The following ABCB5 variants were observed in gnomAD, a reference collection of about 807,000 sequenced individuals.
ABCB5 encodes the protein ATP-binding cassette sub-family B member 5.
Under a neutral mutation model 144.2 loss-of-function variants are expected in ABCB5, and 155 were observed. The observed-to-expected ratio is 1.08, with a 90% CI of 0.94 to 1.23. The LOEUF is 1.23. Among genes scored for constraint, ABCB5 ranks in the 50% most tolerant of loss-of-function variants. The pLI is 0.00. For synonymous variants in ABCB5, 610 were observed against 528.6 expected, an observed-to-expected ratio of 1.15 and a Z score of -2.11; for missense variants, 1,830 against 1,520.8, an observed-to-expected ratio of 1.20 and a Z score of -3.38.
At chr7:20,672,126 T>C (rs960516397) in intron 14 of ABCB5, among the ~76,000 whole-genome samples, 1 of 152,182 alleles carries the variant, frequency 6.6e-6, no homozygotes, top group Non-Finnish European at 1.5e-5. Context: ...AAGTGTCTGT[T>C]CAAATCTTTA....
chr7:20,686,414 C>A (rs1331019482), intron 16 of ABCB5, among the ~76,000 whole-genome samples: 1 of 152,154 alleles, frequency 6.6e-6, no homozygotes, highest in African/African-American at 2.4e-5. Flanking sequence ...CAGCAGTTCC[C>A]ATCTGCACCT....
intron 16 of ABCB5, among the ~76,000 whole-genome samples, chr7:20,686,093 CT>C (rs894613642): frequency 3.3e-5 from 5 of 152,020 alleles, no homozygotes; most frequent in African/African-American, 9.7e-5. Flanking sequence ...GATGTTTTTC[CT>C]ATGAAGCAAA....
At chr7:20,643,086 A>G in intron 5 of ABCB5, 98 bp from the exon 6 acceptor site, 4 of 1,023,584 alleles carry the variant, frequency 3.9e-6, no homozygotes, top group African/African-American at 1.6e-5. Context: ...TAGTTCTAGC[A>G]TAAATTTCCT....
At chr7:20,702,091 G>A (rs555183657) in intron 19 of ABCB5, among the ~76,000 whole-genome samples, 1 of 152,288 alleles carries the variant, frequency 6.6e-6, no homozygotes, top group South Asian at 2.1e-4. Flanking sequence ...AGAAACAGGT[G>A]TGTGTAGGTA....
rs538961390 is a variant in ABCB5 at position 20,701,409 on chromosome 7, T to C, written c.2337+1274T>C. On this transcript the variant is annotated intron_variant, in intron 19 of 27. Coordinates refer to ENST00000404938, the MANE Select transcript of ABCB5 (RefSeq NM_001163941.2). ...ATTTATTTTAAATTTCTAGAAACTT[T>C]TGAAAAGGTTTCCTGAATGCCTAGA... Among the ~76,000 whole-genome samples the C allele has an allele frequency of 3.4e-3, 520 of 152,312 alleles. 12 individuals are homozygous for C. The highest frequency in any genetic ancestry group is 3.4e-3 in the Middle Eastern group (1 of 294).
intron 20 of ABCB5, among the ~76,000 whole-genome samples, chr7:20,715,475 A>T (rs10251502): frequency 0.021 from 3,127 of 152,086 alleles, 104 homozygotes; most frequent in African/African-American, 0.072. Flanking sequence ...CAGTTGCATG[A>T]TCCTAGTTCA....
intron 20 of ABCB5, among the ~76,000 whole-genome samples, chr7:20,718,421 CTT>C (rs1402117773): frequency 6.6e-6 from 1 of 152,198 alleles, no homozygotes; most frequent in Non-Finnish European, 1.5e-5. Flanking sequence ...CCCTTAAACA[CTT>C]AACCAGGCTA....
intron 16 of ABCB5, among the ~76,000 whole-genome samples, chr7:20,689,958 C>T (rs943266032): frequency 1.3e-5 from 2 of 152,122 alleles, no homozygotes; most frequent in African/African-American, 4.8e-5. Flanking sequence ...GGCAGAGAGG[C>T]GTGTGGGACA....
chr7:20,687,578 G>A (rs947247704), intron 16 of ABCB5, among the ~76,000 whole-genome samples: 5 of 152,184 alleles, frequency 3.3e-5, no homozygotes, highest in Admixed American at 6.5e-5. Context: ...ATAGAAATCC[G>A]TGAGCCTGGG....
intron 5 of ABCB5, among the ~76,000 whole-genome samples, chr7:20,634,530 TCTC>T (rs1240926868): frequency 6.6e-6 from 1 of 152,112 alleles, no homozygotes; most frequent in East Asian, 1.9e-4. Flanking sequence ...GTATAAGTGT[TCTC>T]CTTTCTCTGC....
chr7:20,690,224 T>G (rs190789755), intron 16 of ABCB5, among the ~76,000 whole-genome samples: 1 of 152,358 alleles, frequency 6.6e-6, no homozygotes, highest in East Asian at 1.9e-4. Flanking sequence ...CCAGTATTTG[T>G]GACATCACGA....
chr7:20,633,061 T>C (rs1784072583), intron 5 of ABCB5, among the ~76,000 whole-genome samples: 1 of 141,924 alleles, frequency 7.0e-6, no homozygotes, highest in African/African-American at 2.8e-5. Flanking sequence ...TCTTTAAACA[T>C]TAAAAATCAA....
At chr7:20,702,466 T>C (rs1786660585) in intron 19 of ABCB5, among the ~76,000 whole-genome samples, 1 of 152,082 alleles carries the variant, frequency 6.6e-6, no homozygotes, top group African/African-American at 2.4e-5. Flanking sequence ...AATTCTTCAG[T>C]CAGATGGCAG....
chr7:20,652,855 A>T (rs1050863151), intron 13 of ABCB5, among the ~76,000 whole-genome samples: 4 of 152,384 alleles, frequency 2.6e-5, no homozygotes, highest in African/African-American at 9.6e-5. Flanking sequence ...AGAGGGTCAC[A>T]ATAACAGAAA....
chr7:20,674,493 T>C (rs1785542866), intron 14 of ABCB5, among the ~76,000 whole-genome samples: 1 of 151,870 alleles, frequency 6.6e-6, no homozygotes, highest in Admixed American at 6.6e-5. Flanking sequence ...TTTATGTTTG[T>C]TCCTATATAT....
In ABCB5 at chr7:20,651,411, G is replaced by T; in HGVS notation, c.1333-9G>T. The T allele has an allele frequency of 6.2e-7, 1 of 1,613,904 alleles. No individual in the cohort carries two copies. The highest frequency in any genetic ancestry group is 8.5e-7 in the Non-Finnish European group (1 of 1,179,926). ...GCATCACAACATGGTTCATTCTTTG[G>T]ATTGGCAGATCATGGTGGATGAGAA... On this transcript the variant is annotated splice_polypyrimidine_tract_variant and intron_variant, in intron 12 of 27. Coordinates refer to ENST00000404938, the MANE Select transcript of ABCB5 (RefSeq NM_001163941.2).
At chr7:20,740,730 T>C (rs191731581) in intron 24 of ABCB5, among the ~76,000 whole-genome samples, 58 of 152,324 alleles carry the variant, frequency 3.8e-4, no homozygotes, top group African/African-American at 1.3e-3. Flanking sequence ...AAGTGTTTCT[T>C]ATAAAGGCTA....
At chr7:20,728,486 GC>G in intron 23 of ABCB5, 31 bp downstream of exon 23, 2 of 1,608,048 alleles carry the variant, frequency 1.2e-6, no homozygotes, top group Non-Finnish European at 1.7e-6. Context: ...GGACCTGGTA[GC>G]TCACACCTGT....
intron 19 of ABCB5, among the ~76,000 whole-genome samples, chr7:20,701,115 C>T (rs536349592): frequency 6.6e-6 from 1 of 152,344 alleles, no homozygotes; most frequent in South Asian, 2.1e-4. Context: ...CCCATTTCTG[C>T]TTCTTGTTCC....
Sources: allele counts gnomAD v4.1 joint callset (sites outside exome capture counted in the v4.1 genomes callset), GRCh38; gene constraint gnomAD v4.1.1; transcripts MANE v1.5; gene names NCBI Gene and HGNC (gene_info 2026-07-23, HGNC 2026-07-21).